PCCA: variants seen among roughly 807,000 people sequenced by gnomAD.
PCCA encodes propionyl-CoA carboxylase subunit alpha, also known as propionyl-CoA carboxylase alpha chain, mitochondrial.
Under a neutral mutation model 101.3 loss-of-function variants are expected in PCCA, and 74 were observed. That is an observed-to-expected ratio of 0.73 (90% confidence interval 0.61 to 0.89). The LOEUF is 0.89. Ranked by LOEUF, PCCA falls within the 40% of genes least tolerant of loss-of-function variation. The pLI is 0.00. For missense variants in PCCA, 891 were observed against 907.0 expected (o/e 0.98, Z 0.23); for synonymous variants, 294 against 313.6 (o/e 0.94, Z 0.66).
chr13:100,185,710 C>T (rs1382675119), intron 6 of PCCA, among the ~76,000 whole-genome samples: 2 of 149,434 alleles, frequency 1.3e-5, no homozygotes, highest in South Asian at 2.1e-4. Flanking sequence ...TGCAATGGTG[C>T]GATCTCGGCT....
At chr13:100,215,361 A>G (rs2059452419) in intron 7 of PCCA, among the ~76,000 whole-genome samples, 1 of 152,258 alleles carries the variant, frequency 6.6e-6, no homozygotes, top group South Asian at 2.1e-4. Flanking sequence ...ACATATTTTT[A>G]TGCCCTCAAG....
chr13:100,397,683 G>A (rs2077114370), intron 19 of PCCA, among the ~76,000 whole-genome samples: 1 of 152,134 alleles, frequency 6.6e-6, no homozygotes, highest in African/African-American at 2.4e-5. Flanking sequence ...CTTTGAGCAT[G>A]GCTGTGTGTG....
At chr13:100,317,271 T>G (rs1307880589) in intron 16 of PCCA, among the ~76,000 whole-genome samples, 1 of 152,222 alleles carries the variant, frequency 6.6e-6, no homozygotes, top group Non-Finnish European at 1.5e-5. Flanking sequence ...ACTTTATTTA[T>G]TTATTGTAAT....
At chr13:100,175,186 G>C (rs538198441) in intron 6 of PCCA, among the ~76,000 whole-genome samples, 1 of 152,184 alleles carries the variant, frequency 6.6e-6, no homozygotes, top group African/African-American at 2.4e-5. Context: ...GTCTTGTCAA[G>C]TCCCTGGTGA....
At chr13:100,095,766 G>A (rs1246564607) in intron 1 of PCCA, among the ~76,000 whole-genome samples, 2 of 152,084 alleles carry the variant, frequency 1.3e-5, no homozygotes, top group African/African-American at 4.8e-5. Flanking sequence ...TGAGGGAGGA[G>A]GAGTGGGTAG....
At position 100,118,969 on chromosome 13, in the gene PCCA, A is replaced by G. The variant is rs114449585; in HGVS notation, c.300+6908A>G. Among the ~76,000 whole-genome samples, 470 of 151,760 alleles carry G rather than the reference A, an allele frequency of 3.1e-3. 1 individual carries two copies. The highest frequency in any genetic ancestry group is 0.011 in the African/African-American group (447 of 41,386). On this transcript the variant is annotated intron_variant, in intron 4 of 23. Coordinates refer to ENST00000376285, the MANE Select transcript of PCCA (RefSeq NM_000282.4). Reference sequence around the variant, plus strand: ...TCAGGTCTTCCCATTATAATGGTACATTTTCTTTTTTTTTATTAAATAATT... The same window carrying G: ...TCAGGTCTTCCCATTATAATGGTACGTTTTCTTTTTTTTTATTAAATAATT...
At chr13:100,449,161 T>C in intron 20 of PCCA, 91 bp from the exon 21 acceptor site, 1 of 714,704 alleles carries the variant, frequency 1.4e-6, no homozygotes, top group African/African-American at 1.8e-5. Context: ...ATCCATCAGT[T>C]GATGGACATT....
chr13:100,435,863 G>T (rs1364523937), intron 20 of PCCA, among the ~76,000 whole-genome samples: 2 of 152,158 alleles, frequency 1.3e-5, no homozygotes, highest in East Asian at 1.9e-4. Flanking sequence ...GGCCAACATC[G>T]TGAAACCCCG....
At chr13:100,443,003 GTTTC>G (rs1295769424) in intron 20 of PCCA, among the ~76,000 whole-genome samples, 1 of 152,130 alleles carries the variant, frequency 6.6e-6, no homozygotes, top group Non-Finnish European at 1.5e-5. Context: ...GTTTTGTGTT[GTTTC>G]TTTCTATTCA....
At chr13:100,104,041 TAGA>T (rs1206518262) in intron 2 of PCCA, among the ~76,000 whole-genome samples, 3 of 152,208 alleles carry the variant, frequency 2.0e-5, no homozygotes, top group African/African-American at 7.2e-5. Flanking sequence ...TTGTAGGGAC[TAGA>T]AGAAGTGATT....
intron 21 of PCCA, among the ~76,000 whole-genome samples, chr13:100,498,536 A>G (rs1045140200): frequency 4.6e-5 from 7 of 152,232 alleles, no homozygotes; most frequent in African/African-American, 1.4e-4. Context: ...CTAAGTTAAA[A>G]CATACAATTC....
chr13:100,326,055 C>T (rs1479987552), intron 16 of PCCA, among the ~76,000 whole-genome samples: 1 of 152,162 alleles, frequency 6.6e-6, no homozygotes, highest in Non-Finnish European at 1.5e-5. Flanking sequence ...GGAAAGATTA[C>T]ACCACTGAAG....
chr13:100,220,724 A>G (rs1361403527), intron 7 of PCCA, among the ~76,000 whole-genome samples: 1 of 152,216 alleles, frequency 6.6e-6, no homozygotes, highest in African/African-American at 2.4e-5. Flanking sequence ...TGCCATTTAT[A>G]AAGAGAAGAC....
At chr13:100,321,021 C>A (rs2067977132) in intron 16 of PCCA, among the ~76,000 whole-genome samples, 1 of 145,304 alleles carries the variant, frequency 6.9e-6, no homozygotes. Flanking sequence ...GCTGGGATTA[C>A]AGGTGTGAGC....
chr13:100,328,588 A>AT (rs1452576391), intron 16 of PCCA, among the ~76,000 whole-genome samples: 7 of 147,424 alleles, frequency 4.7e-5, no homozygotes, highest in South Asian at 4.3e-4. Flanking sequence ...AAGGTAACAG[A>AT]TTTTTTCCTC....
At chr13:100,279,244 G>A (rs17474996) in intron 12 of PCCA, among the ~76,000 whole-genome samples, 1 of 151,946 alleles carries the variant, frequency 6.6e-6, no homozygotes, top group African/African-American at 2.4e-5. Context: ...TGTCTCCCAT[G>A]TAGTGTTTAA....
intron 19 of PCCA, among the ~76,000 whole-genome samples, chr13:100,409,640 CG>C (rs1337131067): frequency 2.0e-5 from 3 of 152,120 alleles, no homozygotes; most frequent in Non-Finnish European, 4.4e-5. Context: ...TCACCATGAT[CG>C]GAACACCTCC....
intron 19 of PCCA, among the ~76,000 whole-genome samples, chr13:100,387,678 T>G (rs2076586801): frequency 6.6e-6 from 1 of 152,226 alleles, no homozygotes; most frequent in Non-Finnish European, 1.5e-5. Flanking sequence ...CTTGCACAGC[T>G]TGATCTGTTT....
intron 6 of PCCA, among the ~76,000 whole-genome samples, chr13:100,173,989 C>A (rs570236092): frequency 1.3e-5 from 2 of 152,164 alleles, no homozygotes; most frequent in Non-Finnish European, 2.9e-5. Context: ...GTCAATTAAA[C>A]CTTTTTCTTT....
Sources: gnomAD v4.1 joint callset for allele counts (sites outside exome capture counted in the v4.1 genomes callset) on GRCh38, gnomAD v4.1.1 for gene constraint, MANE v1.5 for transcripts, NCBI Gene and HGNC (gene_info 2026-07-23, HGNC 2026-07-21) for gene names.